CSMD1: variants seen among roughly 807,000 people sequenced by gnomAD.
The protein encoded by CSMD1 is CUB and sushi domain-containing protein 1.
CSMD1 carries 213 observed loss-of-function variants against 417.5 expected under a neutral mutation model. The ratio of observed to expected loss-of-function variants is 0.51; its 90% CI spans 0.46 to 0.57. CSMD1 has a LOEUF of 0.57. Among genes scored for constraint, CSMD1 ranks in the 20% least tolerant of loss-of-function variants. The probability of loss-of-function intolerance (pLI) is 0.00; values close to 1 mark genes in which losing one functional copy is unlikely to be tolerated. For missense variants in CSMD1, 6,923 were observed against 4,529.7 expected, an observed-to-expected ratio of 1.53 and a Z score of -15.17; for synonymous variants, 2,862 against 1,736.8, an observed-to-expected ratio of 1.65 and a Z score of -16.11.
chr8:3,780,096 C>T (rs1306307386), intron 5 of CSMD1, among the ~76,000 whole-genome samples: 1 of 152,188 alleles, frequency 6.6e-6, no homozygotes, highest in Non-Finnish European at 1.5e-5. Context: ...CTGTACCAGT[C>T]GGTGTTGCAT....
intron 51 of CSMD1, among the ~76,000 whole-genome samples, chr8:3,027,650 T>C (rs1810034694): frequency 6.6e-6 from 1 of 152,146 alleles, no homozygotes; most frequent in African/African-American, 2.4e-5. Flanking sequence ...GCTGACAATT[T>C]AGAAAACAAA....
intron 12 of CSMD1, among the ~76,000 whole-genome samples, chr8:3,443,951 G>A (rs1051606295): frequency 6.6e-6 from 1 of 152,138 alleles, no homozygotes; most frequent in African/African-American, 2.4e-5. Context: ...GAGTTACTGA[G>A]AGCGGGGACA....
intron 43 of CSMD1, among the ~76,000 whole-genome samples, chr8:3,109,180 G>A (rs557118305): frequency 6.6e-6 from 1 of 152,196 alleles, no homozygotes; most frequent in Non-Finnish European, 1.5e-5. Flanking sequence ...CAGGAGAATT[G>A]CTTGAACCCA....
In CSMD1 at chr8:3,237,599, A is replaced by AT. The variant is rs1563171348; in HGVS notation, c.4154-7369_4154-7368insA. Among the ~76,000 whole-genome samples, 94 of 145,104 alleles carry AT rather than the reference A, an allele frequency of 6.5e-4. 1 individual carries two copies. The highest frequency in any genetic ancestry group is 2.2e-3 in the African/African-American group (89 of 40,276). Reference sequence around the variant, plus strand: ...ATTTTTATACTTATACTATAAATATAATTTTATACTTATACTATAAATATA... The same window carrying AT: ...ATTTTTATACTTATACTATAAATATATATTTTATACTTATACTATAAATATA... On this transcript the variant is annotated intron_variant, in intron 26 of 69. Coordinates refer to ENST00000635120, the MANE Select transcript of CSMD1 (RefSeq NM_033225.6).
At chr8:4,961,206 G>T (rs1304345448) in intron 1 of CSMD1, among the ~76,000 whole-genome samples, 1 of 152,052 alleles carries the variant, frequency 6.6e-6, no homozygotes, top group Admixed American at 6.6e-5. Context: ...ATAGTATTCT[G>T]TGTAACTAGT....
chr8:3,189,293 G>C lies in CSMD1; in HGVS notation c.5399-282C>G, dbSNP rs1179524433. Among the ~76,000 whole-genome samples, 9 of 152,202 alleles carry C rather than the reference G, an allele frequency of 5.9e-5. No homozygotes were observed. In the South Asian group the frequency reaches 1.7e-3, roughly 28 times the overall value. On this transcript the variant is annotated intron_variant, in intron 34 of 69. Transcript: ENST00000635120. Reference sequence around the variant, plus strand: ...GATGTCCAATGATGGCATCTCCAAAGTGAATTCTGTTTAGAATAATTTACC... The same window carrying C: ...GATGTCCAATGATGGCATCTCCAAACTGAATTCTGTTTAGAATAATTTACC...
intron 5 of CSMD1, among the ~76,000 whole-genome samples, chr8:3,759,433 G>A (rs767801816): frequency 5.3e-5 from 8 of 152,098 alleles, no homozygotes; most frequent in Non-Finnish European, 8.8e-5. Flanking sequence ...TACCGCTGTT[G>A]GAGTGAGGTT....
At chr8:4,292,943 G>A (rs551057731) in intron 3 of CSMD1, among the ~76,000 whole-genome samples, 2 of 152,170 alleles carry the variant, frequency 1.3e-5, no homozygotes, top group African/African-American at 2.4e-5. Flanking sequence ...AAACCAACAA[G>A]GGACCCACAA....
At chr8:4,894,721 T>TGTGA (rs1427652828) in intron 1 of CSMD1, among the ~76,000 whole-genome samples, 3 of 151,932 alleles carry the variant, frequency 2.0e-5, no homozygotes, top group African/African-American at 7.3e-5. Flanking sequence ...TGTGTGTGTG[T>TGTGA]GTCTGAGGAG....
chr8:4,181,233 T>G (rs1163606558), intron 3 of CSMD1, among the ~76,000 whole-genome samples: 1 of 152,182 alleles, frequency 6.6e-6, no homozygotes, highest in African/African-American at 2.4e-5. Context: ...TGGTACTTAT[T>G]ATCTATAGCC....
chr8:4,464,611 C>A (rs1237777149), intron 2 of CSMD1, among the ~76,000 whole-genome samples: 2 of 152,120 alleles, frequency 1.3e-5, no homozygotes, highest in Non-Finnish European at 2.9e-5. Context: ...TACTTTCACG[C>A]TATTGTAAAA....
chr8:4,232,893 G>A (rs1460983761), intron 3 of CSMD1, among the ~76,000 whole-genome samples: 1 of 152,060 alleles, frequency 6.6e-6, no homozygotes, highest in South Asian at 2.1e-4. Context: ...GTAAAAGGAG[G>A]AAAAGGATAT....
intron 5 of CSMD1, among the ~76,000 whole-genome samples, chr8:3,970,886 G>A (rs887349279): frequency 1.3e-5 from 2 of 152,016 alleles, no homozygotes; most frequent in Non-Finnish European, 2.9e-5. Context: ...TGAGTAGCTG[G>A]GATTACAGGT....
At chr8:4,898,626 A>AT (rs550721920) in intron 1 of CSMD1, among the ~76,000 whole-genome samples, 84 of 152,194 alleles carry the variant, frequency 5.5e-4, no homozygotes, top group East Asian at 3.7e-3. Flanking sequence ...CTGGAATGAA[A>AT]TTTTTTTTAT....
chr8:3,354,681 T>C (rs1198430299), intron 21 of CSMD1, among the ~76,000 whole-genome samples: 1 of 151,920 alleles, frequency 6.6e-6, no homozygotes, highest in Non-Finnish European at 1.5e-5. Context: ...TTGGATTAGC[T>C]TTTAAGAAGC....
rs182625969 is a variant in CSMD1 at position 4,866,577 on chromosome 8, G to A, written c.85+127755C>T. On this transcript the variant is annotated intron_variant, in intron 1 of 69. Coordinates refer to ENST00000635120, the MANE Select transcript of CSMD1 (RefSeq NM_033225.6). ...ATAAATAGAAACCCAGAGAAGCTCA[G>A]CTCTTTCCCCAATGACACACAACTT... Among the ~76,000 whole-genome samples, 20 of 151,922 alleles carry A rather than the reference G, an allele frequency of 1.3e-4. No individual in the cohort carries two copies. The East Asian group carries it at 3.7e-3, about 28-fold the overall frequency.
chr8:4,134,832 T>C (rs537827094), intron 3 of CSMD1, among the ~76,000 whole-genome samples: 1 of 152,348 alleles, frequency 6.6e-6, no homozygotes, highest in East Asian at 1.9e-4. Context: ...TGGCCTTGGC[T>C]GTTGAAAATC....
chr8:4,920,851 GAA>G lies in CSMD1; in HGVS notation c.85+73479_85+73480del, dbSNP rs1372087153. On this transcript the variant is annotated intron_variant, in intron 1 of 69. Coordinates refer to ENST00000635120, the MANE Select transcript of CSMD1 (RefSeq NM_033225.6). The stretch of plus-strand genomic sequence containing the variant: ...AAAAGAAAAAGAGAACGAAAGAAAA[GAA>G]AAGAAAAGAAAAGAAAAGAAAAGAA... 9.0e-3 allele frequency among the ~76,000 whole-genome samples: 558 copies of G among 61,918 alleles called. 103 individuals are homozygous for G. Among genetic ancestry groups the G allele is most frequent in the African/African-American group, 0.032 (261 of 8,074 alleles). The allele number at this position is 61,918 out of a possible 152,430, so 40.6% of individuals were successfully genotyped here.
chr8:4,536,627 G>A (rs1413443919), intron 2 of CSMD1, among the ~76,000 whole-genome samples: 1 of 152,166 alleles, frequency 6.6e-6, no homozygotes, highest in South Asian at 2.1e-4. Context: ...CTGAGAATAG[G>A]TACAGGTTAT....
Sources: gnomAD v4.1 joint callset for allele counts (sites outside exome capture counted in the v4.1 genomes callset) on GRCh38, gnomAD v4.1.1 for gene constraint, MANE v1.5 for transcripts, NCBI Gene and HGNC (gene_info 2026-07-23, HGNC 2026-07-21) for gene names.